The following STK32B variants were observed in gnomAD, a reference collection of about 807,000 sequenced individuals.
STK32B encodes the protein serine/threonine-protein kinase 32B.
A neutral mutation model predicts 52.6 loss-of-function variants in STK32B; 43 were observed. That is an observed-to-expected ratio of 0.82 (90% CI 0.64 to 1.05). The LOEUF (loss-of-function observed/expected upper bound fraction) is 1.05, where lower values mean the gene tolerates loss of function less well. Among genes scored for constraint, STK32B ranks in the 50% least tolerant of loss-of-function variants. The pLI, the probability that STK32B is intolerant of heterozygous loss-of-function variation, is 0.00. For synonymous variants in STK32B, 238 were observed against 204.3 expected, an observed-to-expected ratio of 1.17 and a Z score of -1.41; for missense variants, 621 against 534.6, an observed-to-expected ratio of 1.16 and a Z score of -1.59.
At chr4:5,292,760 T>C (rs28776191) in intron 3 of STK32B, among the ~76,000 whole-genome samples, 11,517 of 152,036 alleles carry the variant, frequency 0.076, 482 homozygotes, top group South Asian at 0.098. Flanking sequence ...TAGGTTTTGC[T>C]CTAGGACTTT....
intron 2 of STK32B, among the ~76,000 whole-genome samples, chr4:5,140,820 C>T (rs1716387151): frequency 6.6e-6 from 1 of 152,198 alleles, no homozygotes; most frequent in African/African-American, 2.4e-5. Context: ...CATGCAAACT[C>T]TGTACCAGGC....
chr4:5,314,485 C>T (rs1393858959), intron 3 of STK32B, among the ~76,000 whole-genome samples: 2 of 152,128 alleles, frequency 1.3e-5, no homozygotes, highest in Admixed American at 6.5e-5. Flanking sequence ...GCCTGGGCAA[C>T]ACGTTGAAAC....
chr4:5,369,814 T>G (rs987744787), intron 4 of STK32B, among the ~76,000 whole-genome samples: 5 of 152,160 alleles, frequency 3.3e-5, no homozygotes, highest in Non-Finnish European at 5.9e-5. Flanking sequence ...TAGGTGCAGT[T>G]TCCAGATACA....
chr4:5,315,993 C>G (rs1730655681), intron 3 of STK32B, among the ~76,000 whole-genome samples: 2 of 149,880 alleles, frequency 1.3e-5, no homozygotes, highest in Non-Finnish European at 3.0e-5. Context: ...GTGTGAGCCA[C>G]CGGGACTGGC....
chr4:5,457,697 G>A (rs13149440), intron 8 of STK32B, among the ~76,000 whole-genome samples: 23,446 of 150,790 alleles, frequency 0.16, 2,076 homozygotes, highest in East Asian at 0.34. Context: ...GAGAAACCCC[G>A]TCTCTCTAAA....
intron 6 of STK32B, among the ~76,000 whole-genome samples, chr4:5,423,468 G>C (rs1275233334): frequency 6.6e-6 from 1 of 152,098 alleles, no homozygotes; most frequent in Non-Finnish European, 1.5e-5. Context: ...AATTATAGAA[G>C]GCATATAGCA....
intron 3 of STK32B, among the ~76,000 whole-genome samples, chr4:5,229,088 A>G (rs956103698): frequency 6.6e-6 from 1 of 152,232 alleles, no homozygotes; most frequent in Non-Finnish European, 1.5e-5. Context: ...AAATATACTA[A>G]CAAAGTCAGC....
chr4:5,358,701 G>GCGCACA (rs151338728), intron 4 of STK32B, among the ~76,000 whole-genome samples: 2,219 of 106,800 alleles, frequency 0.021, 33 homozygotes, highest in East Asian at 0.082. Flanking sequence ...TCACACACAT[G>GCGCACA]CACACACACA....
intron 4 of STK32B, among the ~76,000 whole-genome samples, chr4:5,337,138 C>T (rs574992062): frequency 2.0e-5 from 2 of 97,936 alleles, no homozygotes; most frequent in East Asian, 6.3e-4. Flanking sequence ...ACCACCATCC[C>T]TGGCCAATTT....
chr4:5,112,872 C>G lies in STK32B; in HGVS notation c.53-27033C>G, dbSNP rs545374962. On this transcript the variant is annotated intron_variant, in intron 1 of 11. Coordinates refer to ENST00000282908, the MANE Select transcript of STK32B (RefSeq NM_018401.3). The stretch of plus-strand genomic sequence containing the variant: ...GGGTTGACAGATGAATGTGACTGAT[C>G]AAAGTGAACAAGATTCATGTATTCA... Among the ~76,000 whole-genome samples the G allele has an allele frequency of 4.7e-3, 711 of 152,194 alleles. 2 individuals carry two copies. Among genetic ancestry groups the G allele is most frequent in the Non-Finnish European group, 7.9e-3 (534 of 68,000 alleles).
intron 4 of STK32B, among the ~76,000 whole-genome samples, chr4:5,375,474 A>G (rs114715058): frequency 6.6e-6 from 1 of 151,788 alleles, no homozygotes; most frequent in Non-Finnish European, 1.5e-5. Context: ...TTTCTGAGAA[A>G]TTTTCTTGAC....
In STK32B at chr4:5,118,492, G is replaced by T. The variant is rs116588577; in HGVS notation, c.53-21413G>T. ...GCCCATGCAGTTTTCTGTGCTGAAC[G>T]TGAATGAGCTTCTCATCAGGCATGG... On this transcript the variant is annotated intron_variant, in intron 1 of 11. Coordinates refer to ENST00000282908, the MANE Select transcript of STK32B (RefSeq NM_018401.3). Among the ~76,000 whole-genome samples the T allele has an allele frequency of 5.6e-3, 858 of 152,294 alleles. 13 individuals are homozygous for T. Among genetic ancestry groups the T allele is most frequent in the African/African-American group, 0.02 (822 of 41,562 alleles).
intron 3 of STK32B, among the ~76,000 whole-genome samples, chr4:5,259,162 T>C (rs960675642): frequency 2.0e-5 from 3 of 152,048 alleles, no homozygotes; most frequent in Non-Finnish European, 2.9e-5. Context: ...CCCACACACC[T>C]CCTCTATTTT....
At chr4:5,045,992 T>G in the STK32B span, among the ~76,000 whole-genome samples, 1 of 152,172 alleles carries the variant, frequency 6.6e-6, no homozygotes, top group Non-Finnish European at 1.5e-5. Flanking sequence ...TTAACATTCT[T>G]CACAGAATTA....
At chr4:5,464,379 C>T (rs1374324662) in intron 9 of STK32B, among the ~76,000 whole-genome samples, 1 of 152,242 alleles carries the variant, frequency 6.6e-6, no homozygotes, top group African/African-American at 2.4e-5. Context: ...ACAGAGCAGG[C>T]CTCAGCCTCT....
Position 5,399,956 on chromosome 4 carries a change from G to C in STK32B, c.472+1712G>C, listed in dbSNP as rs999273172. Among the ~76,000 whole-genome samples, 1 of 152,208 alleles carries C rather than the reference G, an allele frequency of 6.6e-6. No homozygotes were observed. Among genetic ancestry groups the C allele is most frequent in the African/African-American group, 2.4e-5 (1 of 41,434 alleles). Reference sequence around the variant, plus strand: ...CTGCTTAGCTGTCTGGAAAGCAGGGGTCTGGAAGGCTGGGTTCCAGGCAGC... The same window carrying C: ...CTGCTTAGCTGTCTGGAAAGCAGGGCTCTGGAAGGCTGGGTTCCAGGCAGC... On this transcript the variant is annotated intron_variant, in intron 5 of 11. Transcript: ENST00000282908. This position sits in a 1 kb window ranked among gnomAD's most constrained non-coding sequence, Gnocchi z 5.4.
chr4:5,155,069 A>C (rs1453282402), intron 2 of STK32B, among the ~76,000 whole-genome samples: 1 of 151,884 alleles, frequency 6.6e-6, no homozygotes, highest in Non-Finnish European at 1.5e-5. Flanking sequence ...AAGTCTCTTG[A>C]CCACACTGGA....
intron 4 of STK32B, among the ~76,000 whole-genome samples, chr4:5,357,040 C>CATAT (rs1271236612): frequency 2.7e-5 from 4 of 148,586 alleles, no homozygotes; most frequent in Non-Finnish European, 5.9e-5. Flanking sequence ...CACACACACA[C>CATAT]ATATATACAC....
chr4:5,243,561 G>A (rs1725203433), intron 3 of STK32B, among the ~76,000 whole-genome samples: 1 of 152,102 alleles, frequency 6.6e-6, no homozygotes, highest in East Asian at 1.9e-4. Context: ...CTAATTGAAT[G>A]CCCCTTATTT....
Sources: gnomAD v4.1 joint callset for allele counts (sites outside exome capture counted in the v4.1 genomes callset) on GRCh38, gnomAD v4.1.1 for gene constraint, Gnocchi (gnomAD v3.1) non-coding constraint, MANE v1.5 for transcripts, NCBI Gene and HGNC (gene_info 2026-07-23, HGNC 2026-07-21) for gene names.